The following CDK14 variants were observed in gnomAD, a reference collection of about 807,000 sequenced individuals.
CDK14 encodes the protein cyclin-dependent kinase 14.
A neutral mutation model predicts 60.7 loss-of-function variants in CDK14; 34 were observed. The ratio of observed to expected loss-of-function variants is 0.56; its 90% CI spans 0.43 to 0.75. The LOEUF (loss-of-function observed/expected upper bound fraction) is 0.75, where lower values mean the gene tolerates loss of function less well. CDK14 is among the 30% of genes least tolerant of loss of function. The probability of loss-of-function intolerance (pLI) is 0.00; values close to 1 mark genes in which losing one functional copy is unlikely to be tolerated. For missense variants in CDK14, 482 were observed against 564.1 expected, an observed-to-expected ratio of 0.85 and a Z score of 1.47; for synonymous variants, 197 against 203.7, an observed-to-expected ratio of 0.97 and a Z score of 0.28.
chr7:91,152,407 G>A (rs1351504656), intron 14 of CDK14, among the ~76,000 whole-genome samples: 2 of 152,116 alleles, frequency 1.3e-5, no homozygotes, highest in Non-Finnish European at 2.9e-5. Flanking sequence ...AAAGCTAAGT[G>A]GATATAGAAC....
intron 12 of CDK14, among the ~76,000 whole-genome samples, chr7:91,098,377 G>T (rs1799058517): frequency 6.6e-6 from 1 of 152,002 alleles, no homozygotes; most frequent in Admixed American, 6.6e-5. Context: ...ATTTTTTAGG[G>T]ATAGCATTAG....
intron 14 of CDK14, among the ~76,000 whole-genome samples, chr7:91,196,572 G>A (rs186427447): frequency 2.0e-5 from 3 of 152,360 alleles, no homozygotes; most frequent in Non-Finnish European, 4.4e-5. Flanking sequence ...TCTCATTTCA[G>A]AGTGGTGGCC....
intron 4 of CDK14, among the ~76,000 whole-genome samples, chr7:90,772,173 T>C (rs1306503471): frequency 6.6e-6 from 1 of 152,208 alleles, no homozygotes. Flanking sequence ...TCACTGTAAA[T>C]AGAGCACTCC....
At chr7:90,676,559 G>A (rs769237250) in intron 2 of CDK14, among the ~76,000 whole-genome samples, 26 of 147,876 alleles carry the variant, frequency 1.8e-4, no homozygotes, top group Non-Finnish European at 3.3e-4. Flanking sequence ...TTGAGCCAGG[G>A]TCTCACTCTG....
chr7:91,081,592 T>G (rs902680520), intron 12 of CDK14, among the ~76,000 whole-genome samples: 3 of 152,182 alleles, frequency 2.0e-5, no homozygotes, highest in African/African-American at 7.2e-5. Flanking sequence ...CTAGTGGAGA[T>G]GTTAACCTGC....
At chr7:90,796,907 C>G (rs1004298406) in intron 5 of CDK14, among the ~76,000 whole-genome samples, 2 of 151,790 alleles carry the variant, frequency 1.3e-5, no homozygotes, top group South Asian at 2.1e-4. Context: ...AAAACAGAGT[C>G]AGTTACAAGG....
At chr7:90,756,790 A>G (rs1305200174) in intron 4 of CDK14, among the ~76,000 whole-genome samples, 1 of 152,200 alleles carries the variant, frequency 6.6e-6, no homozygotes, top group Non-Finnish European at 1.5e-5. Context: ...CCCACCTGCC[A>G]TCTTTAAACA....
intron 11 of CDK14, among the ~76,000 whole-genome samples, chr7:91,068,289 T>A (rs1192128314): frequency 6.6e-6 from 1 of 152,212 alleles, no homozygotes; most frequent in African/African-American, 2.4e-5. Flanking sequence ...GAACAATGGA[T>A]GTTTGTAATC....
At chr7:90,668,236 T>A (rs1279178073) in intron 2 of CDK14, among the ~76,000 whole-genome samples, 2 of 152,242 alleles carry the variant, frequency 1.3e-5, no homozygotes, top group African/African-American at 4.8e-5. Context: ...CATGTCTTTG[T>A]GATTTTTATT....
At chr7:90,640,786 C>T (rs2116440449) in intron 2 of CDK14, among the ~76,000 whole-genome samples, 1 of 152,050 alleles carries the variant, frequency 6.6e-6, no homozygotes, top group East Asian at 1.9e-4. Flanking sequence ...CTTATCTTTT[C>T]ACTTTCTTAA....
intron 7 of CDK14, among the ~76,000 whole-genome samples, chr7:90,907,626 G>A (rs1377534964): frequency 6.6e-6 from 1 of 151,744 alleles, no homozygotes; most frequent in Non-Finnish European, 1.5e-5. Flanking sequence ...CTTTTTTTGT[G>A]AACAATTGAA....
chr7:91,058,374 T>C (rs1584273203), intron 11 of CDK14, among the ~76,000 whole-genome samples: 1 of 152,336 alleles, frequency 6.6e-6, no homozygotes, highest in Non-Finnish European at 1.5e-5. Context: ...TGGCTTCCTC[T>C]TTTCCTAATT....
chr7:90,875,877 C>G (rs1009148667), intron 6 of CDK14, among the ~76,000 whole-genome samples: 1 of 151,900 alleles, frequency 6.6e-6, no homozygotes, highest in East Asian at 1.9e-4. Flanking sequence ...TTCTAAGGTA[C>G]CTTTGCTCTG....
intron 11 of CDK14, among the ~76,000 whole-genome samples, chr7:91,047,134 T>A (rs2116032230): frequency 6.6e-6 from 1 of 152,322 alleles, no homozygotes; most frequent in African/African-American, 2.4e-5. Flanking sequence ...ATCCACGTGT[T>A]CTTAATGGAG....
At chr7:91,026,510 T>C (rs978649881) in intron 10 of CDK14, among the ~76,000 whole-genome samples, 1 of 152,322 alleles carries the variant, frequency 6.6e-6, no homozygotes, top group East Asian at 1.9e-4. Flanking sequence ...ACCTCTGATG[T>C]GTTAGAGTAT....
chr7:90,614,443 C>G (rs1412067768), intron 2 of CDK14, among the ~76,000 whole-genome samples: 1 of 19,294 alleles, frequency 5.2e-5, no homozygotes, highest in African/African-American at 2.2e-4. Context: ...CTTAAAGGAG[C>G]TTTCATCATT....
intron 2 of CDK14, among the ~76,000 whole-genome samples, chr7:90,639,243 C>T (rs1800250719): frequency 6.6e-6 from 1 of 151,952 alleles, no homozygotes; most frequent in Non-Finnish European, 1.5e-5. Context: ...TCTGTTTTTT[C>T]CCCATCTTTG....
chr7:91,121,748 A>G (rs1256831899), intron 14 of CDK14, among the ~76,000 whole-genome samples: 2 of 152,342 alleles, frequency 1.3e-5, no homozygotes, highest in African/African-American at 2.4e-5. Context: ...TTCTAAAGAT[A>G]TTAGTAAAGA....
At chr7:90,764,785 G>C (rs1298405023) in intron 4 of CDK14, among the ~76,000 whole-genome samples, 1 of 152,130 alleles carries the variant, frequency 6.6e-6, no homozygotes, top group Admixed American at 6.6e-5. Context: ...AAAGATATCT[G>C]TCTCTAGTTC....
Sources: gnomAD v4.1 joint callset for allele counts (sites outside exome capture counted in the v4.1 genomes callset) on GRCh38, gnomAD v4.1.1 for gene constraint, MANE v1.5 for transcripts, NCBI Gene and HGNC (gene_info 2026-07-23, HGNC 2026-07-21) for gene names.